The following ACTG2 variants were observed in gnomAD, a reference collection of about 807,000 sequenced individuals.
ACTG2 encodes actin gamma 2, smooth muscle, also known as actin, gamma-enteric smooth muscle.
Under a neutral mutation model 37.6 loss-of-function variants are expected in ACTG2, and 16 were observed. The ratio of observed to expected loss-of-function variants is 0.43; its 90% CI spans 0.29 to 0.65. The LOEUF is 0.65. ACTG2 is among the 30% of genes least tolerant of loss of function. The pLI is 0.18. For synonymous variants in ACTG2, 181 were observed against 179.9 expected (o/e 1.01, Z -0.05); for missense variants, 238 against 490.9 (o/e 0.48, Z 4.87).
In ACTG2 at chr2:73,919,450, C is replaced by A. The variant is rs1573477749; in HGVS notation, c.1006C>A (p.Arg336=). The A allele has an allele frequency of 6.2e-7, 1 of 1,613,768 alleles. No individual in the cohort carries two copies. Among genetic ancestry groups the A allele is most frequent in the East Asian group, 2.2e-5 (1 of 44,894 alleles). ...MKIKIIAPPE[R]KYSVWIGGSI... Reference sequence around the variant, plus strand: ...TTTGCAGATTATTGCTCCCCCAGAGCGGAAGTACTCAGTCTGGATCGGGGG... The same window carrying A: ...TTTGCAGATTATTGCTCCCCCAGAGAGGAAGTACTCAGTCTGGATCGGGGG... The change falls in exon 9 of 9, where the codon CGG becomes AGG. Residue 336 remains arginine, a synonymous_variant. Transcript: ENST00000345517.
intron 2 of ACTG2, 73 bp from the exon 3 acceptor site, chr2:73,902,287 C>A (rs867756286): frequency 1.7e-5 from 26 of 1,541,700 alleles, no homozygotes; most frequent in Non-Finnish European, 2.2e-5. Context: ...TCTTCAGAGA[C>A]CTTCCAGTGC....
In ACTG2 at chr2:73,919,654, C is replaced by G; in HGVS notation, c.*79C>G. 2 of 1,511,826 alleles carry G rather than the reference C, an allele frequency of 1.3e-6. No individual in the cohort carries two copies. The highest frequency in any genetic ancestry group is 1.8e-6 in the Non-Finnish European group (2 of 1,115,840). The allele number at this position is 1,511,826 out of a possible 1,614,324, so 93.7% of individuals were successfully genotyped here. A position where few individuals can be genotyped will look rare whatever the true frequency, so the allele number is the denominator to read the frequency against. On this transcript the variant is annotated 3_prime_UTR_variant, in exon 9 of 9. Coordinates refer to ENST00000345517, the MANE Select transcript of ACTG2 (RefSeq NM_001615.4). The stretch of plus-strand genomic sequence containing the variant: ...GAAACATTAAAACCTACAAGCCTTA[C>G]TTCTCTGTGTGGGGCTCTTTTTTCC...
At chr2:73,901,479 G>C (rs199742302) in intron 2 of ACTG2, 42 bp downstream of exon 2, 48 of 1,607,634 alleles carry the variant, frequency 3.0e-5, no homozygotes, top group South Asian at 2.5e-4. Flanking sequence ...GAGCCACTAG[G>C]AGTAAGCGCT....
intron 3 of ACTG2, among the ~76,000 whole-genome samples, chr2:73,904,127 C>T (rs764865646): frequency 2.5e-4 from 38 of 150,326 alleles, no homozygotes; most frequent in Middle Eastern, 7.0e-3. Context: ...CACATGACTG[C>T]GGTCTCAGCT....
At chr2:73,910,280 G>GT (rs926780668) in intron 5 of ACTG2, among the ~76,000 whole-genome samples, 2 of 145,042 alleles carry the variant, frequency 1.4e-5, no homozygotes, top group African/African-American at 2.5e-5. Flanking sequence ...TTACTGTAAT[G>GT]TTTTTTACCT....
Position 73,902,390 on chromosome 2 carries a change from A to G in ACTG2, c.157A>G (p.Ser53Gly). The change falls in exon 3 of 9, where the codon AGC becomes GGC. Residue 53 changes from serine to glycine, a missense_variant. Coordinates refer to ENST00000345517, the MANE Select transcript of ACTG2 (RefSeq NM_001615.4). Reference sequence around the variant, plus strand: ...GATGGTGGGAATGGGCCAGAAAGACAGCTATGTGGGGGATGAGGCTCAGAG... The same window carrying G: ...GATGGTGGGAATGGGCCAGAAAGACGGCTATGTGGGGGATGAGGCTCAGAG... ...GVMVGMGQKDSYVGDEAQSKR... is the reference protein window; with the variant it reads ...GVMVGMGQKDGYVGDEAQSKR... 7 of 1,613,966 alleles carry G rather than the reference A, an allele frequency of 4.3e-6. No homozygotes were observed. The highest frequency in any genetic ancestry group is 5.1e-6 in the Non-Finnish European group (6 of 1,179,974).
In ACTG2 at chr2:73,913,716, G is replaced by C. The variant is rs994255609; in HGVS notation, c.613+70G>C. 1.3e-4 allele frequency: 170 copies of C among 1,335,198 alleles called. No homozygotes were observed. The African/African-American group carries it at 2.3e-3, about 18-fold the overall frequency. The allele number at this position is 1,335,198 out of a possible 1,614,324, so 82.7% of individuals were successfully genotyped here. A position where few individuals can be genotyped will look rare whatever the true frequency, so the allele number is the denominator to read the frequency against. ...CTGGTTTAGGACAAGAAGTTCTCAG[G>C]ACCAATGAGAATTCTGTGACTCTGT... On this transcript the variant is annotated intron_variant, in intron 6 of 8. Transcript: ENST00000345517.
intron 5 of ACTG2, among the ~76,000 whole-genome samples, chr2:73,912,188 C>T (rs555557139): frequency 6.6e-6 from 1 of 152,276 alleles, no homozygotes; most frequent in South Asian, 2.1e-4. Flanking sequence ...GATGCAGTTT[C>T]GCTCTGTTGC....
At chr2:73,896,984 G>GAGCAAGACACCA (rs1679760307) in intron 1 of ACTG2, 1 of 152,262 alleles carries the variant, frequency 6.6e-6, no homozygotes, top group Non-Finnish European at 1.5e-5. Flanking sequence ...GATGGTCCAC[G>GAGCAAGACACCA]AGTCTGGCTC....
chr2:73,901,578 G>GTC (rs1558622399), intron 2 of ACTG2, 141 bp downstream of exon 2: 3 of 96,648 alleles, frequency 3.1e-5, no homozygotes, highest in East Asian at 2.9e-4. Flanking sequence ...GTGTGTGTGT[G>GTC]TGTCTGTGCG....
intron 5 of ACTG2, among the ~76,000 whole-genome samples, chr2:73,912,269 T>G (rs1458921582): frequency 6.6e-6 from 1 of 152,336 alleles, no homozygotes; most frequent in East Asian, 1.9e-4. Context: ...GCGATTCTCC[T>G]GCCTCAGTCT....
At chr2:73,918,894 C>T (rs1333174568) in intron 8 of ACTG2, among the ~76,000 whole-genome samples, 1 of 152,156 alleles carries the variant, frequency 6.6e-6, no homozygotes, top group Non-Finnish European at 1.5e-5. Flanking sequence ...CAGCTATTGC[C>T]AAGTAACAAA....
chr2:73,910,224 G>GTA (rs141216749), intron 5 of ACTG2, among the ~76,000 whole-genome samples: 79,578 of 149,000 alleles, frequency 0.53, 21,877 homozygotes, highest in Admixed American at 0.65. Context: ...CAAAAAATAT[G>GTA]TATATATATA....
At position 73,908,879 on chromosome 2, in the gene ACTG2, T is replaced by C. The variant is rs1184717284; in HGVS notation, c.366+96T>C. The C allele has an allele frequency of 2.4e-6, 3 of 1,273,046 alleles. No homozygotes were observed. The East Asian group carries it at 7.2e-5, about 30-fold the overall frequency. The allele number at this position is 1,273,046 out of a possible 1,614,324, so 78.9% of individuals were successfully genotyped here. A position where few individuals can be genotyped will look rare whatever the true frequency, so the allele number is the denominator to read the frequency against. ...CCTTCAAACATCAGTGCAACAGAAC[T>C]CTCTGAGGACCTGCTATGTCTGTGG... On this transcript the variant is annotated intron_variant, in intron 4 of 8. Transcript: ENST00000345517.
At chr2:73,907,349 C>A (rs1680037979) in intron 3 of ACTG2, among the ~76,000 whole-genome samples, 2 of 152,210 alleles carry the variant, frequency 1.3e-5, no homozygotes. Flanking sequence ...CCCTGTGCCT[C>A]ACCTCTGAGG....
chr2:73,919,710 C>A lies in ACTG2; in HGVS notation c.*135C>A. On this transcript the variant is annotated 3_prime_UTR_variant, in exon 9 of 9. Transcript: ENST00000345517. ...TATGTCTCATACACAGTGCTAAGGA[C>A]TTTTCACACATTACTTTTAATCCAT... 1.1e-6 allele frequency: 1 copy of A among 920,714 alleles called. No individual in the cohort carries two copies. The highest frequency in any genetic ancestry group is 1.6e-6 in the Non-Finnish European group (1 of 633,464). 57.0% of individuals were successfully genotyped at this position (920,714 alleles called of 1,614,324 possible). A position where few individuals can be genotyped will look rare whatever the true frequency, so the allele number is the denominator to read the frequency against.
chr2:73,895,924 T>C (rs1679738047), intron 1 of ACTG2, among the ~76,000 whole-genome samples: 1 of 152,232 alleles, frequency 6.6e-6, no homozygotes, highest in Non-Finnish European at 1.5e-5. Flanking sequence ...AGATAATATG[T>C]AAGTGAATGG....
chr2:73,919,345 C>T, intron 8 of ACTG2, 87 bp from the exon 9 acceptor site: 3 of 1,473,060 alleles, frequency 2.0e-6, no homozygotes, highest in Non-Finnish European at 1.8e-6. Flanking sequence ...CCATGGGGCT[C>T]CCCTTTTCTG....
chr2:73,899,094 G>A (rs1355103781), intron 1 of ACTG2, among the ~76,000 whole-genome samples: 2 of 152,088 alleles, frequency 1.3e-5, no homozygotes, highest in South Asian at 2.1e-4. Context: ...ACAGGCGTGA[G>A]CCACCGCGCC....
Sources: gnomAD v4.1 joint callset for allele counts (sites outside exome capture counted in the v4.1 genomes callset) on GRCh38, gnomAD v4.1.1 for gene constraint, MANE v1.5 for transcripts, NCBI Gene and HGNC (gene_info 2026-07-23, HGNC 2026-07-21) for gene names.